Variants in SLC39A12 observed in about 807,000 individuals in gnomAD.
The protein encoded by SLC39A12 is solute carrier family 39 member 12.
Under a neutral mutation model 71.1 loss-of-function variants are expected in SLC39A12, and 63 were observed. That is an observed-to-expected ratio of 0.89 (90% CI 0.72 to 1.09). SLC39A12 has a LOEUF of 1.09. Among genes scored for constraint, SLC39A12 ranks in the 50% least tolerant of loss-of-function variants. The pLI is 0.00. For missense variants in SLC39A12, 892 were observed against 812.6 expected (o/e 1.10, Z -1.19); for synonymous variants, 351 against 301.3 (o/e 1.16, Z -1.71).
intron 12 of SLC39A12, among the ~76,000 whole-genome samples, chr10:18,024,431 C>A (rs1435746122): frequency 1.3e-5 from 2 of 152,110 alleles, no homozygotes; most frequent in African/African-American, 4.8e-5. Flanking sequence ...GGTCCCCAGG[C>A]ACTCTTGCTC....
intron 4 of SLC39A12, among the ~76,000 whole-genome samples, chr10:17,965,914 G>C (rs891506638): frequency 2.6e-5 from 4 of 152,214 alleles, no homozygotes; most frequent in Non-Finnish European, 5.9e-5. Flanking sequence ...CTATTTCTAA[G>C]TGATTGGAAT....
Position 17,953,219 on chromosome 10 carries a change from T to TAAACGGCA in SLC39A12, c.-56_-49dup. On this transcript the variant is annotated 5_prime_UTR_variant, in exon 2 of 13. Transcript: ENST00000377369. ...TTCCTTTGGTTACAAGTTTACCCCA[T>TAAACGGCA]AAACGGCAACACACTCACCTCCATC... 6.4e-7 allele frequency: 1 copy of TAAACGGCA among 1,565,116 alleles called. No homozygotes were observed. The highest frequency in any genetic ancestry group is 8.6e-7 in the Non-Finnish European group (1 of 1,156,888).
intron 12 of SLC39A12, among the ~76,000 whole-genome samples, chr10:18,030,423 T>C (rs1459175112): frequency 6.6e-6 from 1 of 151,716 alleles, no homozygotes; most frequent in African/African-American, 2.4e-5. Context: ...ATTTTTTTAG[T>C]AGAGACGGGG....
At chr10:18,030,472 C>T (rs940107847) in intron 12 of SLC39A12, among the ~76,000 whole-genome samples, 1 of 151,848 alleles carries the variant, frequency 6.6e-6, no homozygotes, top group Non-Finnish European at 1.5e-5. Context: ...ATCTCCTGAC[C>T]TCGTGATCCG....
At chr10:18,017,144 A>G (rs1463490111) in intron 12 of SLC39A12, among the ~76,000 whole-genome samples, 2 of 152,146 alleles carry the variant, frequency 1.3e-5, no homozygotes, top group Non-Finnish European at 2.9e-5. Context: ...TTTTAATTTT[A>G]ATGAAGCCCA....
intron 10 of SLC39A12, among the ~76,000 whole-genome samples, chr10:17,996,347 G>A (rs978992268): frequency 6.6e-6 from 1 of 151,810 alleles, no homozygotes; most frequent in Non-Finnish European, 1.5e-5. Context: ...AAAGTTTTTC[G>A]GATTTTTTTG....
chr10:18,034,272 A>T (rs1489317624), intron 12 of SLC39A12, among the ~76,000 whole-genome samples: 5 of 148,430 alleles, frequency 3.4e-5, no homozygotes, highest in Non-Finnish European at 6.0e-5. Context: ...CCCATTATTA[A>T]TGTGTGGGAG....
intron 6 of SLC39A12, among the ~76,000 whole-genome samples, chr10:17,983,241 A>G (rs1261581686): frequency 1.3e-5 from 2 of 148,984 alleles, no homozygotes; most frequent in Non-Finnish European, 3.0e-5. Context: ...CTGTAGTCCT[A>G]GTACTTTGGG....
At chr10:17,956,142 T>G (rs576071682) in intron 2 of SLC39A12, among the ~76,000 whole-genome samples, 7 of 152,120 alleles carry the variant, frequency 4.6e-5, no homozygotes, top group African/African-American at 1.7e-4. Flanking sequence ...GAGGGAGATA[T>G]CTGTGAAAAT....
Position 17,965,550 on chromosome 10 carries a change from C to T in SLC39A12, c.611C>T (p.Thr204Met), listed in dbSNP as rs772710481. ...IVSSEGANESTLPQLAAMIIT... is the reference protein window; with the variant it reads ...IVSSEGANESMLPQLAAMIIT... ...AGCAGTGAAGGTGCTAATGAAAGTA[C>T]GCTTCCTCAGTTGGCAGCCATGATC... The change falls in exon 4 of 13, where the codon ACG becomes ATG. Residue 204 changes from threonine to methionine, a missense_variant. Transcript: ENST00000377369. 3.6e-5 allele frequency: 58 copies of T among 1,614,180 alleles called. No homozygotes were observed. The East Asian group carries it at 1.0e-3, about 29-fold the overall frequency.
chr10:17,960,400 A>G (rs1554848229), intron 2 of SLC39A12, among the ~76,000 whole-genome samples: 1 of 152,176 alleles, frequency 6.6e-6, no homozygotes, highest in African/African-American at 2.4e-5. Context: ...AAAATAATCA[A>G]TATGCTACAG....
chr10:18,023,391 G>A (rs1343571238), intron 12 of SLC39A12, among the ~76,000 whole-genome samples: 2 of 152,112 alleles, frequency 1.3e-5, no homozygotes, highest in Non-Finnish European at 2.9e-5. Context: ...GGAGGTGTGA[G>A]TAAAGAACTC....
chr10:18,006,177 C>G (rs953959163), intron 12 of SLC39A12, among the ~76,000 whole-genome samples: 3 of 152,146 alleles, frequency 2.0e-5, no homozygotes, highest in Admixed American at 2.0e-4. Flanking sequence ...TGTGAAAAGA[C>G]TAGCTAGATC....
At chr10:18,036,039 T>C (rs1564665331) in intron 12 of SLC39A12, among the ~76,000 whole-genome samples, 1 of 152,226 alleles carries the variant, frequency 6.6e-6, no homozygotes. Flanking sequence ...GGAGAACCAC[T>C]GCTCTCTTCA....
intron 12 of SLC39A12, among the ~76,000 whole-genome samples, chr10:18,018,961 T>C (rs567808077): frequency 6.6e-6 from 1 of 152,156 alleles, no homozygotes; most frequent in East Asian, 1.9e-4. Flanking sequence ...TTTTAGAGAA[T>C]TGGTAAAATT....
chr10:17,958,922 G>T (rs749930218), intron 2 of SLC39A12, among the ~76,000 whole-genome samples: 1 of 151,866 alleles, frequency 6.6e-6, no homozygotes, highest in Non-Finnish European at 1.5e-5. Flanking sequence ...ATAATATAGG[G>T]TTCTTATTAA....
At chr10:18,035,206 T>G (rs528341168) in intron 12 of SLC39A12, among the ~76,000 whole-genome samples, 1 of 148,738 alleles carries the variant, frequency 6.7e-6, no homozygotes, top group Non-Finnish European at 1.5e-5. Context: ...CCTTGCTAGA[T>G]TGGGGAAGTT....
intron 6 of SLC39A12, among the ~76,000 whole-genome samples, chr10:17,984,908 C>T (rs1315098972): frequency 2.6e-5 from 4 of 152,204 alleles, no homozygotes; most frequent in Admixed American, 2.0e-4. Context: ...GGTACGGGAA[C>T]AGATGCTTAA....
At chr10:18,027,303 T>G (rs920408661) in intron 12 of SLC39A12, among the ~76,000 whole-genome samples, 1 of 152,242 alleles carries the variant, frequency 6.6e-6, no homozygotes, top group East Asian at 1.9e-4. Context: ...TTGGGTATTT[T>G]CCTTCCCCAG....
Sources: gnomAD v4.1 joint callset for allele counts (sites outside exome capture counted in the v4.1 genomes callset) on GRCh38, gnomAD v4.1.1 for gene constraint, MANE v1.5 for transcripts, NCBI Gene and HGNC (gene_info 2026-07-23, HGNC 2026-07-21) for gene names.